FBN1: variants seen among roughly 807,000 people sequenced by gnomAD.
FBN1 encodes the protein fibrillin-1.
A neutral mutation model predicts 365.1 loss-of-function variants in FBN1; 29 were observed. The ratio of observed to expected loss-of-function variants is 0.08; its 90% confidence interval spans 0.06 to 0.11. FBN1 has a LOEUF of 0.11. Ranked by LOEUF, FBN1 falls within the 10% of genes least tolerant of loss-of-function variation. The probability of loss-of-function intolerance (pLI) is 1.00; values close to 1 mark genes in which losing one functional copy is unlikely to be tolerated. For synonymous variants in FBN1, 1,210 were observed against 1,270.5 expected, an observed-to-expected ratio of 0.95 and a Z score of 1.01; for missense variants, 2,476 against 3,703.2, an observed-to-expected ratio of 0.67 and a Z score of 8.60.
At chr15:48,478,224 C>T (rs901917463) in intron 32 of FBN1, among the ~76,000 whole-genome samples, 3 of 152,186 alleles carry the variant, frequency 2.0e-5, no homozygotes, top group African/African-American at 7.2e-5. Flanking sequence ...ACACTATTAA[C>T]TGAACACCCA....
At chr15:48,569,888 T>C (rs1415228097) in intron 6 of FBN1, among the ~76,000 whole-genome samples, 8 of 152,148 alleles carry the variant, frequency 5.3e-5, no homozygotes, top group Non-Finnish European at 1.0e-4. Flanking sequence ...TGCATAACTC[T>C]AAATTTACTA....
At chr15:48,528,290 G>A (rs974585855) in intron 8 of FBN1, among the ~76,000 whole-genome samples, 3 of 152,260 alleles carry the variant, frequency 2.0e-5, no homozygotes, top group African/African-American at 7.2e-5. Context: ...GGCAGAATGG[G>A]GGAAACATCT....
In FBN1 at chr15:48,445,486, C is replaced by T; in HGVS notation, c.5807G>A (p.Ser1936Asn). Reference sequence around the variant, plus strand: ...ATTTCTGCAAAGATTCCCATTTCCACTTGCACATTCATCAACATCTGCAGA... The same window carrying T: ...ATTTCTGCAAAGATTCCCATTTCCATTTGCACATTCATCAACATCTGCAGA... The part of the protein sequence containing the change: ...NDCIDVDECA[S>N]GNGNLCRNGQ... Residue 1936 changes from serine (S) to asparagine (N), a missense_variant, in exon 48 of 66, where the codon AGT becomes AAT. Ser to Asn is a conservative substitution (Grantham distance 46). This residue lies in a region of FBN1 where 1,780 missense variants were observed against 2,840.8 expected (regional missense o/e 0.63). Transcript: ENST00000316623. The T allele has an allele frequency of 6.2e-7, 1 of 1,612,722 alleles. No individual in the cohort carries two copies. The highest frequency in any genetic ancestry group is 8.5e-7 in the Non-Finnish European group (1 of 1,179,048).
chr15:48,480,044 A>G (rs1388746296), intron 32 of FBN1, among the ~76,000 whole-genome samples: 1 of 152,136 alleles, frequency 6.6e-6, no homozygotes, highest in Non-Finnish European at 1.5e-5. Flanking sequence ...TTTACCTAAA[A>G]CTACATTAAA....
At position 48,411,673 on chromosome 15, in the gene FBN1, G is replaced by C. The variant is rs893488618; in HGVS notation, c.8227-294C>G. Among the ~76,000 whole-genome samples, 3 of 152,248 alleles carry C rather than the reference G, an allele frequency of 2.0e-5. 1 individual carries two copies. The highest frequency in any genetic ancestry group is 4.4e-5 in the Non-Finnish European group (3 of 68,042). ...ATCAGCATCACCTGGGAATCTGTTA[G>C]AAATGCAAATTCTCGGCATCACCCC... On this transcript the variant is annotated intron_variant, in intron 65 of 65. Transcript: ENST00000316623.
chr15:48,469,089 T>C (rs1448462377), intron 36 of FBN1, among the ~76,000 whole-genome samples: 1 of 106,816 alleles, frequency 9.4e-6, no homozygotes, highest in Non-Finnish European at 1.9e-5. Context: ...AATATATATA[T>C]ATATAAAATA....
intron 43 of FBN1, among the ~76,000 whole-genome samples, chr15:48,458,314 T>C (rs957042447): frequency 6.6e-6 from 1 of 152,034 alleles, no homozygotes; most frequent in Non-Finnish European, 1.5e-5. Flanking sequence ...CATAGATTTA[T>C]TTTAGACCCT....
At chr15:48,440,690 C>T (rs2043105299) in intron 50 of FBN1, among the ~76,000 whole-genome samples, 1 of 152,076 alleles carries the variant, frequency 6.6e-6, no homozygotes, top group South Asian at 2.1e-4. Context: ...ACAAAGGACT[C>T]AGAAACTAAC....
intron 6 of FBN1, among the ~76,000 whole-genome samples, chr15:48,558,757 T>C (rs543697990): frequency 6.6e-6 from 1 of 152,368 alleles, no homozygotes; most frequent in Non-Finnish European, 1.5e-5. Flanking sequence ...TAACTAGGTC[T>C]GTTTTTCTGA....
intron 6 of FBN1, among the ~76,000 whole-genome samples, chr15:48,538,908 A>G (rs1001900672): frequency 6.6e-6 from 1 of 152,154 alleles, no homozygotes; most frequent in Admixed American, 6.5e-5. Context: ...TTTTATGAAA[A>G]TCACTGGCTG....
Position 48,428,327 on chromosome 15 carries a change from C to T in FBN1, c.6997+19G>A, listed in dbSNP as rs767445722. 35 of 1,613,694 alleles carry T rather than the reference C, an allele frequency of 2.2e-5. No individual in the cohort carries two copies. In the East Asian group the frequency reaches 2.7e-4, roughly 12 times the overall value. On this transcript the variant is annotated intron_variant, in intron 57 of 65. Transcript: ENST00000316623. The stretch of plus-strand genomic sequence containing the variant: ...TGTGGAGGCTGAGGTTAGGAAAGTG[C>T]GGTGCCAACTGTACTCACCAAGGCA...
chr15:48,560,793 C>T (rs1255010792), intron 6 of FBN1, among the ~76,000 whole-genome samples: 1 of 152,026 alleles, frequency 6.6e-6, no homozygotes, highest in South Asian at 2.1e-4. Context: ...CAGAAGAGGC[C>T]CTGGAAATTG....
intron 6 of FBN1, among the ~76,000 whole-genome samples, chr15:48,560,533 G>A (rs2044215356): frequency 6.6e-6 from 1 of 152,150 alleles, no homozygotes; most frequent in Non-Finnish European, 1.5e-5. Context: ...CATCCCCTTG[G>A]TAGTTAGGTG....
rs187718614 is a variant in FBN1, at chr15:48,459,427, G to A, written c.5296+819C>T. Among the ~76,000 whole-genome samples, 94 of 152,320 alleles carry A rather than the reference G, an allele frequency of 6.2e-4. 1 individual carries two copies. Among genetic ancestry groups the A allele is most frequent in the Admixed American group, 5.7e-3 (87 of 15,292 alleles). On this transcript the variant is annotated intron_variant, in intron 43 of 65. Coordinates refer to ENST00000316623, the MANE Select transcript of FBN1 (RefSeq NM_000138.5). ...GGGAGCCAGGCTGATTGCTGGACCA[G>A]ACTCTTGTTTTCTTAAACAAGGTCA...
intron 42 of FBN1, 123 bp downstream of exon 42, chr15:48,462,959 C>A: frequency 2.1e-6 from 2 of 945,402 alleles, no homozygotes; most frequent in Admixed American, 1.8e-5. Flanking sequence ...AATCATGAGC[C>A]GTTTTTTTCC....
rs2043802163 is a variant in FBN1 at position 48,516,353 on chromosome 15, T to C, written c.1157A>G (p.Asn386Ser). 10 of 1,613,578 alleles carry C rather than the reference T, an allele frequency of 6.2e-6. No homozygotes were observed. In the East Asian group the frequency reaches 2.0e-4, roughly 32 times the overall value. ...MCPIRATEDFNKLCSVPMVIP... is the reference protein window; with the variant it reads ...MCPIRATEDFSKLCSVPMVIP... ...TACCATAGGAACAGAGCACAGCTTG[T>C]TGAAATCCTCTAGAAAAACACAACA... The change falls in exon 11 of 66, where the codon AAC becomes AGC. Residue 386 changes from asparagine to serine, a missense_variant. By Grantham distance (46) the Asn-to-Ser change is conservative. Coordinates refer to ENST00000316623, the MANE Select transcript of FBN1 (RefSeq NM_000138.5).
At position 48,485,656 on chromosome 15, in the gene FBN1, C is replaced by T. The variant is rs113972116; in HGVS notation, c.3590-160G>A. Among the ~76,000 whole-genome samples the T allele has an allele frequency of 6.6e-5, 10 of 152,226 alleles. 1 individual carries two copies. The highest frequency in any genetic ancestry group is 2.2e-4 in the African/African-American group (9 of 41,550). ...GAGGGCTCTACCCTCATGGTGGGATCGGTGCTGTTATAAAAGATCAAGTTC... is the reference window on the plus strand; with the variant it reads ...GAGGGCTCTACCCTCATGGTGGGATTGGTGCTGTTATAAAAGATCAAGTTC... On this transcript the variant is annotated intron_variant, in intron 29 of 65. Coordinates refer to ENST00000316623, the MANE Select transcript of FBN1 (RefSeq NM_000138.5).
chr15:48,518,659 A>G (rs538139092), intron 10 of FBN1, among the ~76,000 whole-genome samples: 29 of 152,106 alleles, frequency 1.9e-4, no homozygotes, highest in Non-Finnish European at 3.5e-4. Flanking sequence ...TTGCCCCTTT[A>G]CATTCAGGAT....
intron 2 of FBN1, among the ~76,000 whole-genome samples, chr15:48,624,495 T>C (rs1269274782): frequency 1.3e-5 from 2 of 152,248 alleles, no homozygotes; most frequent in African/African-American, 4.8e-5. Flanking sequence ...GAGGTGAATT[T>C]CTTCATGAAG....
Sources: gnomAD v4.1 joint callset for allele counts (sites outside exome capture counted in the v4.1 genomes callset) on GRCh38, gnomAD v4.1.1 for gene constraint, gnomAD v4.1.1 regional missense constraint, MANE v1.5 for transcripts, NCBI Gene and HGNC (gene_info 2026-07-23, HGNC 2026-07-21) for gene names.